Variants in MKLN1 observed in about 807,000 individuals in gnomAD.
MKLN1 encodes muskelin 1.
MKLN1 carries 18 observed loss-of-function variants against 99.0 expected under a neutral mutation model. That is an observed-to-expected ratio of 0.18 (90% CI 0.13 to 0.27). The LOEUF is 0.27. MKLN1 is among the 10% of genes least tolerant of loss of function. The pLI, the probability that MKLN1 is intolerant of heterozygous loss-of-function variation, is 1.00. For synonymous variants in MKLN1, 288 were observed against 293.2 expected, an observed-to-expected ratio of 0.98 and a Z score of 0.18; for missense variants, 621 against 875.9, an observed-to-expected ratio of 0.71 and a Z score of 3.67.
In MKLN1 at chr7:131,360,463, CTTG is replaced by C. The variant is rs760343311; in HGVS notation, c.99-14958_99-14956del. Among the ~76,000 whole-genome samples the C allele has an allele frequency of 3.9e-5, 6 of 152,044 alleles. No individual in the cohort carries two copies. The East Asian group carries it at 5.8e-4, about 15-fold the overall frequency. ...GCATATCAGTTACACTTCTTTTTAA[CTTG>C]TTTTTAGTGGTTGTCCTAGAATTTG... On this transcript the variant is annotated intron_variant, in intron 1 of 17. Transcript: ENST00000352689.
chr7:131,486,907 T>C (rs1797297285), intron 17 of MKLN1, among the ~76,000 whole-genome samples: 1 of 152,182 alleles, frequency 6.6e-6, no homozygotes, highest in Non-Finnish European at 1.5e-5. Flanking sequence ...TGTCATATGC[T>C]TTCTAATGTG....
At chr7:131,190,774 A>T (rs767701763) in intron 2 of MKLN1, among the ~76,000 whole-genome samples, 10 of 152,156 alleles carry the variant, frequency 6.6e-5, no homozygotes, top group Admixed American at 2.0e-4. Flanking sequence ...TCCAAAATAG[A>T]GATAGCTTGC....
At position 131,154,462 on chromosome 7, in the gene MKLN1, G is replaced by A. The variant is rs113547573; in HGVS notation, c.-297+11521G>A. Among the ~76,000 whole-genome samples the A allele has an allele frequency of 9.0e-3, 1,365 of 152,246 alleles. 19 individuals carry two copies. Among genetic ancestry groups the A allele is most frequent in the African/African-American group, 0.031 (1,303 of 41,528 alleles). On this transcript the variant is annotated intron_variant, in intron 2 of 7. Transcript: ENST00000416992. ...AGCATGAGAGGAAGGGAATATAGATGTAACATGGAGGAGGTTAGGCAGAAA... is the reference window on the plus strand; with the variant it reads ...AGCATGAGAGGAAGGGAATATAGATATAACATGGAGGAGGTTAGGCAGAAA...
intron 1 of MKLN1, among the ~76,000 whole-genome samples, chr7:131,116,206 T>C (rs1156615554): frequency 6.6e-6 from 1 of 151,542 alleles, no homozygotes; most frequent in Non-Finnish European, 1.5e-5. Flanking sequence ...TATATATTCA[T>C]TGGGTGTTTG....
chr7:131,196,242 C>G (rs973018623), intron 2 of MKLN1, among the ~76,000 whole-genome samples: 1 of 152,130 alleles, frequency 6.6e-6, no homozygotes, highest in Non-Finnish European at 1.5e-5. Flanking sequence ...TCCATTCCTC[C>G]TCTCAAATCC....
Position 131,192,175 on chromosome 7 carries a change from TATAA to T in MKLN1, c.-296-10680_-296-10677del. On this transcript the variant is annotated intron_variant, in intron 2 of 7. Transcript: ENST00000416992. The stretch of plus-strand genomic sequence containing the variant: ...TATACATATATACTTATGTATAATA[TATAA>T]AAATATATAAAATATAATATATACA... 1.9e-5 allele frequency among the ~76,000 whole-genome samples: 2 copies of T among 103,384 alleles called. 1 individual carries two copies. Among genetic ancestry groups the T allele is most frequent in the African/African-American group, 8.8e-5 (2 of 22,670 alleles). 67.8% of individuals were successfully genotyped at this position (103,384 alleles called of 152,430 possible).
intron 12 of MKLN1, among the ~76,000 whole-genome samples, chr7:131,452,544 C>CTTTTTTTTTTTTTTTTTTTTTTT (rs1159344518): frequency 1.4e-5 from 1 of 70,352 alleles, no homozygotes; most frequent in Non-Finnish European, 2.5e-5. Flanking sequence ...TCCTTTTATA[C>CTTTTTTTTTTTTTTTTTTTTTTT]TTTTTTTTTT....
chr7:131,291,875 C>T (rs56085960), intron 3 of MKLN1, among the ~76,000 whole-genome samples: 4,410 of 151,806 alleles, frequency 0.029, 193 homozygotes, highest in African/African-American at 0.1. Context: ...GAGGACAAGG[C>T]GGGAGGATAT....
intron 3 of MKLN1, among the ~76,000 whole-genome samples, chr7:131,243,905 C>G (rs962147919): frequency 1.2e-4 from 18 of 152,078 alleles, no homozygotes; most frequent in Non-Finnish European, 4.4e-5. Context: ...ATCCCAGCTA[C>G]TCAGGAGGCT....
chr7:131,171,339 AACT>A (rs1345184106), intron 2 of MKLN1, among the ~76,000 whole-genome samples: 1 of 152,244 alleles, frequency 6.6e-6, no homozygotes, highest in Non-Finnish European at 1.5e-5. Flanking sequence ...TCGGAAGGAT[AACT>A]AGCAAATTGG....
At chr7:131,465,029 C>T (rs978836351) in intron 14 of MKLN1, among the ~76,000 whole-genome samples, 2 of 152,064 alleles carry the variant, frequency 1.3e-5, no homozygotes, top group Admixed American at 6.5e-5. Flanking sequence ...AAATTCTACG[C>T]AATACACTTT....
At chr7:131,348,165 A>C (rs1296573570) in intron 1 of MKLN1, among the ~76,000 whole-genome samples, 1 of 152,234 alleles carries the variant, frequency 6.6e-6, no homozygotes, top group African/African-American at 2.4e-5. Flanking sequence ...TCTGTGCTAC[A>C]GCTATCTATA....
chr7:131,204,553 C>T lies in MKLN1; in HGVS notation c.-179+1579C>T, dbSNP rs148378829. Among the ~76,000 whole-genome samples, 10 of 152,292 alleles carry T rather than the reference C, an allele frequency of 6.6e-5. No homozygotes were observed. The East Asian group carries it at 1.2e-3, about 18-fold the overall frequency. ...GAATTGAAAAAGCTGCAAGTTAGGCCGGGTGCGGTGGCTCACGCCTGTAAT... is the reference window on the plus strand; with the variant it reads ...GAATTGAAAAAGCTGCAAGTTAGGCTGGGTGCGGTGGCTCACGCCTGTAAT... On this transcript the variant is annotated intron_variant, in intron 3 of 7. Coordinates refer to the MKLN1 transcript ENST00000416992.
chr7:131,171,474 T>G (rs544798646), intron 2 of MKLN1, among the ~76,000 whole-genome samples: 14 of 151,612 alleles, frequency 9.2e-5, no homozygotes, highest in Middle Eastern at 3.4e-3. Flanking sequence ...CTTTTTTTTT[T>G]GGGATCGTGT....
intron 3 of MKLN1, among the ~76,000 whole-genome samples, chr7:131,249,498 A>G (rs981115648): frequency 1.3e-5 from 2 of 152,126 alleles, no homozygotes; most frequent in African/African-American, 4.8e-5. Flanking sequence ...CACTTATACA[A>G]CAGACATTTG....
intron 3 of MKLN1, among the ~76,000 whole-genome samples, chr7:131,228,878 G>A (rs879383932): frequency 2.0e-5 from 3 of 152,140 alleles, no homozygotes; most frequent in Non-Finnish European, 4.4e-5. Context: ...CTTGTTCACC[G>A]AAAATCCAAA....
At chr7:131,130,277 A>G (rs1196793729) in intron 1 of MKLN1, among the ~76,000 whole-genome samples, 1 of 152,244 alleles carries the variant, frequency 6.6e-6, no homozygotes, top group Non-Finnish European at 1.5e-5. Context: ...TTGGGCAACT[A>G]TGCCAATTTT....
intron 3 of MKLN1, among the ~76,000 whole-genome samples, chr7:131,240,550 A>G (rs775539297): frequency 5.9e-5 from 9 of 152,214 alleles, no homozygotes; most frequent in Non-Finnish European, 1.0e-4. Flanking sequence ...GAACATTGAT[A>G]TTTTTCTGAT....
At chr7:131,253,893 G>T (rs1278730514) in intron 3 of MKLN1, among the ~76,000 whole-genome samples, 1 of 152,220 alleles carries the variant, frequency 6.6e-6, no homozygotes. Context: ...TTACCAGGGA[G>T]AACCAGGGAA....
Sources: allele counts gnomAD v4.1 joint callset (sites outside exome capture counted in the v4.1 genomes callset), GRCh38; gene constraint gnomAD v4.1.1; transcripts MANE v1.5; gene names NCBI Gene and HGNC (gene_info 2026-07-23, HGNC 2026-07-21).